The following C22orf42 variants were observed in gnomAD, a reference collection of about 807,000 sequenced individuals.
The protein encoded by C22orf42 is chromosome 22 open reading frame 42, also known as uncharacterized protein C22orf42.
C22orf42 carries 24 observed loss-of-function variants against 31.4 expected under a neutral mutation model. The observed-to-expected ratio is 0.77, with a 90% CI of 0.55 to 1.08. The LOEUF (loss-of-function observed/expected upper bound fraction) is 1.08, where lower values mean the gene tolerates loss of function less well. Among genes scored for constraint, C22orf42 ranks in the 50% least tolerant of loss-of-function variants. The pLI is 0.00. For synonymous variants in C22orf42, 96 were observed against 112.7 expected (o/e 0.85, Z 0.94); for missense variants, 276 against 327.3 (o/e 0.84, Z 1.21).
intron 8 of C22orf42, 30 bp downstream of exon 8, chr22:32,149,723 C>T (rs747596936): frequency 9.0e-7 from 1 of 1,109,554 alleles, no homozygotes; most frequent in South Asian, 3.0e-5. Flanking sequence ...ACATATATAT[C>T]TATATATATC....
intron 3 of C22orf42, 140 bp downstream of exon 3, chr22:32,152,422 C>G: frequency 1.3e-6 from 1 of 750,576 alleles, no homozygotes; most frequent in South Asian, 1.7e-5. Context: ...TTGGTCATAA[C>G]CTCCAGTGAC....
In C22orf42 at chr22:32,150,972, G is replaced by GT. The variant is rs757154226; in HGVS notation, c.493+19dup. Reference sequence around the variant, plus strand: ...ATGTCAACTACACGTAAATAAAGCTGTTTAAAAAAAAATACGTACGGTGGT... The same window carrying GT: ...ATGTCAACTACACGTAAATAAAGCTGTTTTAAAAAAAAATACGTACGGTGGT... On this transcript the variant is annotated intron_variant, in intron 6 of 8. Coordinates refer to ENST00000382097, the MANE Select transcript of C22orf42 (RefSeq NM_001010859.3). The GT allele has an allele frequency of 9.3e-6, 15 of 1,607,956 alleles. No homozygotes were observed. Among genetic ancestry groups the GT allele is most frequent in the Non-Finnish European group, 1.3e-5 (15 of 1,176,616 alleles).
chr22:32,157,991 T>C (rs5998261), intron 1 of C22orf42, among the ~76,000 whole-genome samples: 40,395 of 127,260 alleles, frequency 0.32, 3,717 homozygotes, highest in African/African-American at 0.53. Flanking sequence ...GAAGTCACCC[T>C]GGGCAATGAA....
At position 32,159,016 on chromosome 22, in the gene C22orf42, G is replaced by A. The variant is rs921977793; in HGVS notation, c.200C>T (p.Pro67Leu). The change falls in exon 1 of 9, where the codon CCG becomes CTG. Residue 67 changes from proline to leucine, a missense_variant. Pro to Leu is a moderately conservative substitution (Grantham distance 98). Coordinates refer to ENST00000382097, the MANE Select transcript of C22orf42 (RefSeq NM_001010859.3). ...CATCTTCAGCATCTTCGGCGTCTTC[G>A]GGAGGCTGAGGTACTGCATGAGTTG... ...KAQLMQYLSL[P>L]KTPKMLKMSK... 14 of 1,614,034 alleles carry A rather than the reference G, an allele frequency of 8.7e-6. No homozygotes were observed. The highest frequency in any genetic ancestry group is 4.0e-5 in the African/African-American group (3 of 74,910).
At chr22:32,155,797 C>T (rs544188234) in intron 1 of C22orf42, among the ~76,000 whole-genome samples, 4 of 152,274 alleles carry the variant, frequency 2.6e-5, no homozygotes, top group Admixed American at 2.0e-4. Context: ...TTTTTGGAGG[C>T]TAAGGCAGGA....
intron 1 of C22orf42, among the ~76,000 whole-genome samples, chr22:32,155,835 C>A (rs996086701): frequency 6.6e-6 from 1 of 152,112 alleles, no homozygotes; most frequent in Non-Finnish European, 1.5e-5. Flanking sequence ...AAGTTTGAGA[C>A]CAGCCTGGGC....
At chr22:32,151,703 G>A (rs1920986413) in intron 4 of C22orf42, 152 bp from the exon 5 acceptor site, 2 of 750,300 alleles carry the variant, frequency 2.7e-6, no homozygotes, top group Middle Eastern at 5.6e-4. Flanking sequence ...CCTTGGTGCT[G>A]AAGGAAGGCA....
intron 7 of C22orf42, 29 bp downstream of exon 7, chr22:32,150,290 T>C: frequency 6.2e-7 from 1 of 1,604,014 alleles, no homozygotes. Context: ...AAAAAACATT[T>C]CTCTTCCAGA....
Position 32,159,074 on chromosome 22 carries a change from GC to G in C22orf42, c.141del (p.Lys47AsnfsTer7). The G allele has an allele frequency of 1.2e-6, 2 of 1,614,222 alleles. No homozygotes were observed. The highest frequency in any genetic ancestry group is 1.7e-6 in the Non-Finnish European group (2 of 1,180,042). Reference protein sequence around the residue: ...AATAPASTTAKPAKLDLKAKK... With the variant: ...AATAPASTTAXPAKLDLKAKK... Reference sequence around the variant, plus strand: ...TTAGCTTTCAAATCCAATTTGGCAGGCTTTGCAGTGGTGGATGCTGGTGCTG... The same window carrying G: ...TTAGCTTTCAAATCCAATTTGGCAGGTTTGCAGTGGTGGATGCTGGTGCTG... On this transcript the variant is annotated frameshift_variant, in exon 1 of 9. Transcript: ENST00000382097. LOFTEE classifies it high-confidence loss of function.
At chr22:32,159,318 C>A, upstream of C22orf42, 1 of 1,495,526 alleles carries the variant, frequency 6.7e-7, no homozygotes. Context: ...GCTGCTGGCC[C>A]TGGCCGTTGC....
chr22:32,149,645 A>AAC (rs779025446), intron 8 of C22orf42, 32 bp from the exon 9 acceptor site: 28 of 1,344,946 alleles, frequency 2.1e-5, no homozygotes, highest in Non-Finnish European at 2.3e-5. Flanking sequence ...TCATCTCAAA[A>AAC]AAAAAATATA....
Position 32,159,178 on chromosome 22 carries a change from C to T in C22orf42, c.38G>A (p.Gly13Glu). The T allele has an allele frequency of 6.2e-7, 1 of 1,613,992 alleles. No individual in the cohort carries two copies. The highest frequency in any genetic ancestry group is 8.5e-7 in the Non-Finnish European group (1 of 1,180,042). Residue 13 changes from glycine to glutamate, a missense_variant, in exon 1 of 9, where the codon GGG becomes GAG. Transcript: ENST00000382097. ...CCTGCAGCAGTCACAGTTGAGGCCCCCGCTGGGGCCCAGGCAGCAAGTCAG... is the reference window on the plus strand; with the variant it reads ...CCTGCAGCAGTCACAGTTGAGGCCCTCGCTGGGGCCCAGGCAGCAAGTCAG... Reference protein sequence around the residue: ...SKLTCCLGPSGGLNCDCCRPD... With the variant: ...SKLTCCLGPSEGLNCDCCRPD...
Position 32,158,928 on chromosome 22 carries a change from G to T in C22orf42, c.232+56C>A, listed in dbSNP as rs1330383336. 6.9e-6 allele frequency: 11 copies of T among 1,588,224 alleles called. 1 individual carries two copies. The African/African-American group carries it at 1.3e-4, about 19-fold the overall frequency. On this transcript the variant is annotated intron_variant, in intron 1 of 8. Coordinates refer to ENST00000382097, the MANE Select transcript of C22orf42 (RefSeq NM_001010859.3). Reference sequence around the variant, plus strand: ...AGGGTGAGGGACTGCAAAGGGGTGGGGGCGGTGGTGGCCAGAGAGATGCCA... The same window carrying T: ...AGGGTGAGGGACTGCAAAGGGGTGGTGGCGGTGGTGGCCAGAGAGATGCCA...
upstream of C22orf42, chr22:32,159,426 C>G (rs146980136): frequency 1.2e-3 from 1,740 of 1,412,760 alleles, 10 homozygotes; most frequent in Middle Eastern, 7.7e-3. Context: ...CCACCAAATG[C>G]CTCACAATGC....
chr22:32,159,181 C>A lies in C22orf42; in HGVS notation c.35G>T (p.Ser12Ile). 3 of 1,614,024 alleles carry A rather than the reference C, an allele frequency of 1.9e-6. No homozygotes were observed. Among genetic ancestry groups the A allele is most frequent in the Non-Finnish European group, 2.5e-6 (3 of 1,180,034 alleles). Residue 12 changes from serine (S) to isoleucine (I), a missense_variant, in exon 1 of 9, where the codon AGC (serine) becomes ATC (isoleucine). Physicochemically the swap from Ser to Ile is moderately radical, Grantham distance 142. Coordinates refer to ENST00000382097, the MANE Select transcript of C22orf42 (RefSeq NM_001010859.3). ...GSKLTCCLGPSGGLNCDCCRP... is the reference protein window; with the variant it reads ...GSKLTCCLGPIGGLNCDCCRP... ...GCAGCAGTCACAGTTGAGGCCCCCG[C>A]TGGGGCCCAGGCAGCAAGTCAGTTT...
intron 5 of C22orf42, 101 bp downstream of exon 5, chr22:32,151,386 C>T: frequency 1.6e-6 from 2 of 1,239,170 alleles, no homozygotes; most frequent in Non-Finnish European, 2.3e-6. Context: ...ACACTGAGGC[C>T]TGAATCATGA....
chr22:32,159,445 G>A, upstream of C22orf42: 1 of 1,395,898 alleles, frequency 7.2e-7, no homozygotes, highest in Non-Finnish European at 9.3e-7. Context: ...GCCCATCCCT[G>A]CTGCTGCCCA....
chr22:32,159,164 C>A lies in C22orf42; in HGVS notation c.52G>T (p.Asp18Tyr), dbSNP rs750587543. ...CLGPSGGLNC[D>Y]CCRPDVGPCH... ...GGTCCCACATCTGGCCTGCAGCAGTCACAGTTGAGGCCCCCGCTGGGGCCC... is the reference window on the plus strand; with the variant it reads ...GGTCCCACATCTGGCCTGCAGCAGTAACAGTTGAGGCCCCCGCTGGGGCCC... The change falls in exon 1 of 9, where the codon GAC becomes TAC. Residue 18 changes from aspartate to tyrosine, a missense_variant. Coordinates refer to ENST00000382097, the MANE Select transcript of C22orf42 (RefSeq NM_001010859.3). 30 of 1,614,020 alleles carry A rather than the reference C, an allele frequency of 1.9e-5. No individual in the cohort carries two copies. In the Admixed American group the frequency reaches 5.0e-4, roughly 27 times the overall value.
chr22:32,157,610 A>G (rs1316794478), intron 1 of C22orf42, among the ~76,000 whole-genome samples: 1 of 151,764 alleles, frequency 6.6e-6, no homozygotes, highest in African/African-American at 2.4e-5. Context: ...TGGGATCTCT[A>G]TGTCTATGAA....
Sources: gnomAD v4.1 joint callset for allele counts (sites outside exome capture counted in the v4.1 genomes callset) on GRCh38, gnomAD v4.1.1 for gene constraint, MANE v1.5 for transcripts, NCBI Gene and HGNC (gene_info 2026-07-23, HGNC 2026-07-21) for gene names.